The following PRSS23 variants were observed in gnomAD, a reference collection of about 807,000 sequenced individuals.
PRSS23 encodes the protein protease, serine 23.
In PRSS23, 25 loss-of-function variants were observed where a neutral mutation model predicts 34.7. That is an observed-to-expected ratio of 0.72 (90% CI 0.53 to 1.01). The LOEUF is 1.01. PRSS23 is among the 50% of genes least tolerant of loss of function. The pLI, the probability that PRSS23 is intolerant of heterozygous loss-of-function variation, is 0.00. For missense variants in PRSS23, 445 were observed against 475.6 expected (o/e 0.94, Z 0.60); for synonymous variants, 176 against 186.6 (o/e 0.94, Z 0.46).
rs1948738605 is a variant in PRSS23 at position 86,878,222 on chromosome 11, CT to C, written c.206+54630del. Among the ~76,000 whole-genome samples the C allele has an allele frequency of 1.1e-4, 17 of 149,980 alleles. 1 individual carries two copies. The South Asian group carries it at 3.6e-3, about 32-fold the overall frequency. Reference sequence around the variant, plus strand: ...TTTGGATTTCTCCCTCTCCCTCCCCCTACCCCTCCCCCTCCCTCTCCCTCAT... The same window carrying C: ...TTTGGATTTCTCCCTCTCCCTCCCCCACCCCTCCCCCTCCCTCTCCCTCAT... On this transcript the variant is annotated intron_variant, in intron 2 of 2. Transcript: ENST00000533902.
chr11:86,874,496 G>A (rs1409010881), intron 2 of PRSS23, among the ~76,000 whole-genome samples: 1 of 152,192 alleles, frequency 6.6e-6, no homozygotes, highest in African/African-American at 2.4e-5. Flanking sequence ...TGCAGCAGCT[G>A]GGACCATCCG....
chr11:86,920,834 G>A (rs895611832), intron 2 of PRSS23, among the ~76,000 whole-genome samples: 10 of 152,030 alleles, frequency 6.6e-5, no homozygotes, highest in South Asian at 2.1e-4. Flanking sequence ...CCTCAGTAAC[G>A]ACCTAGCCTG....
intron 2 of PRSS23, among the ~76,000 whole-genome samples, chr11:86,834,746 C>T (rs1948391303): frequency 6.6e-6 from 1 of 152,076 alleles, no homozygotes; most frequent in Non-Finnish European, 1.5e-5. Flanking sequence ...CATATTGCTG[C>T]ATGGGCATGG....
chr11:86,812,997 T>G (rs1218579078), downstream of PRSS23, among the ~76,000 whole-genome samples: 2 of 152,016 alleles, frequency 1.3e-5, no homozygotes, highest in Non-Finnish European at 2.9e-5. Context: ...CTCCCTCTTC[T>G]GGGTTCCAGC....
At chr11:86,928,911 C>G (rs1048271752) in intron 2 of PRSS23, among the ~76,000 whole-genome samples, 4 of 151,856 alleles carry the variant, frequency 2.6e-5, no homozygotes, top group Admixed American at 6.6e-5. Flanking sequence ...TTTCTGCTCT[C>G]AGATCTCCAA....
At chr11:86,820,112 G>A (rs1033067045) in intron 1 of PRSS23, among the ~76,000 whole-genome samples, 1 of 152,134 alleles carries the variant, frequency 6.6e-6, no homozygotes, top group African/African-American at 2.4e-5. Context: ...AACTTTGTGG[G>A]GAGGGGGTGT....
At chr11:86,800,488 G>T (rs1160162139), upstream of PRSS23, 7 of 984,226 alleles carry the variant, frequency 7.1e-6, no homozygotes, top group African/African-American at 1.0e-4. Context: ...GGCGGGCCTC[G>T]GGTGGCGCGG....
rs1194583096 is a variant in PRSS23 at position 86,867,890 on chromosome 11, AAT to A, written c.206+44299_206+44300del. 5.3e-5 allele frequency among the ~76,000 whole-genome samples: 8 copies of A among 151,622 alleles called. No homozygotes were observed. In the East Asian group the frequency reaches 5.8e-4, roughly 11 times the overall value. ...ACCCTACCTCAAAAAAAAAAAAAAA[AAT>A]ACAACAGAGGATTTTGTAATGTGAG... On this transcript the variant is annotated intron_variant, in intron 2 of 2. Coordinates refer to the PRSS23 transcript ENST00000533902.
intron 2 of PRSS23, among the ~76,000 whole-genome samples, chr11:86,940,333 C>T (rs1949198909): frequency 6.6e-6 from 1 of 152,208 alleles, no homozygotes; most frequent in Admixed American, 6.5e-5. Flanking sequence ...CAAACAGAAA[C>T]TCCTTGCCTC....
upstream of PRSS23, among the ~76,000 whole-genome samples, chr11:86,799,156 G>A (rs1031259423): frequency 2.0e-5 from 3 of 152,196 alleles, no homozygotes; most frequent in Non-Finnish European, 2.9e-5. Context: ...TGAGAAGGGA[G>A]GATACTTGAG....
rs1948139932 is a variant in PRSS23 at position 86,808,710 on chromosome 11, A to G, written c.1067A>G (p.Asn356Ser). 3.1e-6 allele frequency: 5 copies of G among 1,614,040 alleles called. No homozygotes were observed. Among genetic ancestry groups the G allele is most frequent in the Admixed American group, 1.7e-5 (1 of 60,000 alleles). Residue 356 changes from asparagine to serine, a missense_variant, in exon 2 of 2, where the codon AAC becomes AGC. Asn to Ser is a conservative substitution (Grantham distance 46). Coordinates refer to ENST00000280258, the MANE Select transcript of PRSS23 (RefSeq NM_007173.6). Reference protein sequence around the residue: ...VDMNGSPQDFNVAVRITPLKY... With the variant: ...VDMNGSPQDFSVAVRITPLKY... ...ATGAATGGTTCCCCACAGGATTTCA[A>G]CGTGGCTGTCAGAATCACTCCTCTC... is the stretch of plus-strand genomic sequence containing the variant.
At chr11:86,887,041 G>C (rs532493556) in intron 2 of PRSS23, among the ~76,000 whole-genome samples, 1 of 152,282 alleles carries the variant, frequency 6.6e-6, no homozygotes, top group South Asian at 2.1e-4. Context: ...AAAAAGGTAG[G>C]AACTATTATT....
chr11:86,943,061 C>A (rs557481859), intron 2 of PRSS23, among the ~76,000 whole-genome samples: 1 of 152,086 alleles, frequency 6.6e-6, no homozygotes, highest in African/African-American at 2.4e-5. Flanking sequence ...TGCTAAAAAC[C>A]CTTGGGTCAC....
At chr11:86,861,580 C>A (rs976206000) in intron 2 of PRSS23, among the ~76,000 whole-genome samples, 3 of 151,616 alleles carry the variant, frequency 2.0e-5, no homozygotes, top group South Asian at 2.1e-4. Context: ...AGGGGGCGGA[C>A]ACCCTTCTGT....
chr11:86,838,263 T>C (rs894091237), intron 2 of PRSS23, among the ~76,000 whole-genome samples: 5 of 152,016 alleles, frequency 3.3e-5, no homozygotes, highest in African/African-American at 1.2e-4. Flanking sequence ...CTTGACCAAA[T>C]AGTGCACTTT....
At chr11:86,838,983 T>C (rs1022085748) in intron 2 of PRSS23, among the ~76,000 whole-genome samples, 3 of 151,558 alleles carry the variant, frequency 2.0e-5, no homozygotes, top group Admixed American at 6.6e-5. Context: ...CATCTGTATG[T>C]CACCAATATC....
intron 2 of PRSS23, among the ~76,000 whole-genome samples, chr11:86,904,884 CAAA>C (rs1276296909): frequency 1.6e-5 from 2 of 128,674 alleles, no homozygotes; most frequent in Admixed American, 7.8e-5. Flanking sequence ...CCATTTCCAC[CAAA>C]AAAAAAAAAA....
At chr11:86,822,827 A>T (rs1220533944) in intron 1 of PRSS23, among the ~76,000 whole-genome samples, 1 of 152,182 alleles carries the variant, frequency 6.6e-6, no homozygotes, top group Non-Finnish European at 1.5e-5. Context: ...TGTATCAAGG[A>T]TCTTTGCAGC....
chr11:86,808,840 AT>A lies in PRSS23; in HGVS notation c.*49del. 3 of 1,522,170 alleles carry A rather than the reference AT, an allele frequency of 2.0e-6. No homozygotes were observed. The highest frequency in any genetic ancestry group is 2.7e-6 in the Non-Finnish European group (3 of 1,126,148). The allele number at this position is 1,522,170 out of a possible 1,614,324, so 94.3% of individuals were successfully genotyped here. On this transcript the variant is annotated 3_prime_UTR_variant, in exon 2 of 2. Coordinates refer to ENST00000280258, the MANE Select transcript of PRSS23 (RefSeq NM_007173.6). ...AGCAATTAAGGGTCTTCATGTTCTTATTTTAGGAGAGGCCAAATTGTTTTTT... is the reference window on the plus strand; with the variant it reads ...AGCAATTAAGGGTCTTCATGTTCTTATTTAGGAGAGGCCAAATTGTTTTTT...
Sources: allele counts gnomAD v4.1 joint callset (sites outside exome capture counted in the v4.1 genomes callset), GRCh38; gene constraint gnomAD v4.1.1; transcripts MANE v1.5; gene names NCBI Gene and HGNC (gene_info 2026-07-23, HGNC 2026-07-21).